The following SIPA1L2 variants were observed in gnomAD, a reference collection of about 807,000 sequenced individuals.
SIPA1L2 encodes signal-induced proliferation-associated 1-like protein 2.
Under a neutral mutation model 163.9 loss-of-function variants are expected in SIPA1L2, and 56 were observed. The observed-to-expected ratio is 0.34, with a 90% CI of 0.28 to 0.43. SIPA1L2 has a LOEUF of 0.43. Among genes scored for constraint, SIPA1L2 ranks in the 20% least tolerant of loss-of-function variants. The pLI is 1.00. For missense variants in SIPA1L2, 1,974 were observed against 2,193.5 expected (o/e 0.90, Z 2.00); for synonymous variants, 877 against 865.7 (o/e 1.01, Z -0.23).
chr1:232,537,082 A>G (rs1278260878), intron 2 of SIPA1L2, among the ~76,000 whole-genome samples: 1 of 152,108 alleles, frequency 6.6e-6, no homozygotes, highest in Non-Finnish European at 1.5e-5. Context: ...CAAGAAATAG[A>G]AAAATTAGCC....
At chr1:232,412,664 G>A (rs750613628) in intron 19 of SIPA1L2, among the ~76,000 whole-genome samples, 6 of 152,118 alleles carry the variant, frequency 3.9e-5, no homozygotes, top group Non-Finnish European at 5.9e-5. Flanking sequence ...ACAACCTGAG[G>A]CAACACTGAT....
At chr1:232,429,805 T>C (rs936148786) in intron 16 of SIPA1L2, among the ~76,000 whole-genome samples, 1 of 152,104 alleles carries the variant, frequency 6.6e-6, no homozygotes, top group Non-Finnish European at 1.5e-5. Flanking sequence ...CGCCCAACAT[T>C]CGATCCTGAG....
At position 232,612,092 on chromosome 1, in the gene SIPA1L2, G is replaced by A. The variant is rs1408764133; in HGVS notation, c.-319+17777C>T. Among the ~76,000 whole-genome samples the A allele has an allele frequency of 2.6e-5, 4 of 152,238 alleles. No homozygotes were observed. In the East Asian group the frequency reaches 7.7e-4, roughly 29 times the overall value. ...CGGAGGGGACAAGCCTCAAGCCTTGGCAGCTTCCACATGGTGTCGAGCTCA... is the reference window on the plus strand; with the variant it reads ...CGGAGGGGACAAGCCTCAAGCCTTGACAGCTTCCACATGGTGTCGAGCTCA... On this transcript the variant is annotated intron_variant, in intron 1 of 22. Coordinates refer to ENST00000674635, the MANE Select transcript of SIPA1L2 (RefSeq NM_020808.5).
intron 3 of SIPA1L2, among the ~76,000 whole-genome samples, chr1:232,510,231 AAT>A (rs10678164): frequency 8.0e-5 from 12 of 149,100 alleles, no homozygotes; most frequent in East Asian, 3.9e-4. Flanking sequence ...TCAATATGAA[AAT>A]ATATATATAT....
At chr1:232,452,636 T>C (rs2102893858) in intron 10 of SIPA1L2, among the ~76,000 whole-genome samples, 1 of 152,314 alleles carries the variant, frequency 6.6e-6, no homozygotes, top group Middle Eastern at 3.4e-3. Flanking sequence ...TGGTTCTAAA[T>C]CATGTCTTCA....
At chr1:232,621,754 CAG>C (rs1662823494) in intron 1 of SIPA1L2, among the ~76,000 whole-genome samples, 1 of 150,266 alleles carries the variant, frequency 6.7e-6, no homozygotes, top group Non-Finnish European at 1.5e-5. Context: ...TTTTTTGTGA[CAG>C]GGTCTCACTC....
chr1:232,530,178 G>A lies in SIPA1L2; in HGVS notation c.-269-14570C>T, dbSNP rs11807246. 6.9e-3 allele frequency among the ~76,000 whole-genome samples: 1,040 copies of A among 150,764 alleles called. 11 individuals carry two copies. The highest frequency in any genetic ancestry group is 0.025 in the African/African-American group (1,001 of 40,790). ...TCGCCAGGCTGGAATGCAGTGGCAC[G>A]GTCTTGGCTCACTGCAACCTCCACC... On this transcript the variant is annotated intron_variant, in intron 2 of 22. Coordinates refer to ENST00000674635, the MANE Select transcript of SIPA1L2 (RefSeq NM_020808.5).
At position 232,555,018 on chromosome 1, in the gene SIPA1L2, C is replaced by CAAG. The variant is rs1262938126; in HGVS notation, c.-270+19155_-270+19156insCTT. ...ATAAACAAGAAATTGAGTTTACAAA[C>CAAG]TTATGGACATTAATTATTCAATTTT... On this transcript the variant is annotated intron_variant, in intron 2 of 22. Transcript: ENST00000674635. Among the ~76,000 whole-genome samples the CAAG allele has an allele frequency of 5.9e-5, 9 of 152,264 alleles. No homozygotes were observed. The East Asian group carries it at 1.7e-3, about 29-fold the overall frequency.
intron 19 of SIPA1L2, among the ~76,000 whole-genome samples, chr1:232,405,073 G>C (rs1023515552): frequency 2.6e-5 from 4 of 152,168 alleles, no homozygotes; most frequent in Non-Finnish European, 5.9e-5. Context: ...CTGCTTGTTT[G>C]CTTTATGGCA....
chr1:232,453,746 CTTTT>C (rs10711839), intron 10 of SIPA1L2, among the ~76,000 whole-genome samples: 1 of 130,208 alleles, frequency 7.7e-6, no homozygotes, highest in East Asian at 2.3e-4. Flanking sequence ...AAACACAAGG[CTTTT>C]TTTTTTTTTT....
intron 2 of SIPA1L2, among the ~76,000 whole-genome samples, chr1:232,528,580 A>T (rs1558247042): frequency 6.6e-6 from 1 of 152,148 alleles, no homozygotes; most frequent in South Asian, 2.1e-4. Flanking sequence ...TCTCCTCTTC[A>T]TCCTTCTTAG....
At chr1:232,506,920 T>C (rs997091981) in intron 3 of SIPA1L2, among the ~76,000 whole-genome samples, 6 of 152,240 alleles carry the variant, frequency 3.9e-5, no homozygotes, top group African/African-American at 7.2e-5. Context: ...CAGAATTCTT[T>C]TAGATTTCTA....
At chr1:232,534,061 C>T (rs1657153965) in intron 2 of SIPA1L2, among the ~76,000 whole-genome samples, 1 of 151,772 alleles carries the variant, frequency 6.6e-6, no homozygotes, top group South Asian at 2.1e-4. Flanking sequence ...TATGAAACCT[C>T]AAGGGACCCC....
intron 18 of SIPA1L2, among the ~76,000 whole-genome samples, chr1:232,423,828 GAAA>G (rs1661718708): frequency 1.3e-5 from 2 of 152,174 alleles, no homozygotes; most frequent in Non-Finnish European, 2.9e-5. Flanking sequence ...ATCAAACCAT[GAAA>G]AGACATGGAG....
At chr1:232,549,170 A>C (rs1473702807) in intron 2 of SIPA1L2, among the ~76,000 whole-genome samples, 1 of 152,180 alleles carries the variant, frequency 6.6e-6, no homozygotes, top group African/African-American at 2.4e-5. Context: ...CCCCAACCAG[A>C]GGTGACAGGA....
intron 12 of SIPA1L2, 54 bp downstream of exon 12, chr1:232,443,548 G>T: frequency 7.1e-7 from 1 of 1,405,706 alleles, no homozygotes; most frequent in Non-Finnish European, 9.7e-7. Context: ...TTTTCAATGA[G>T]TCACAGAAAA....
chr1:232,565,651 C>T (rs35865474), intron 2 of SIPA1L2, among the ~76,000 whole-genome samples: 9,608 of 152,278 alleles, frequency 0.063, 370 homozygotes, highest in Non-Finnish European at 0.088. Flanking sequence ...GAATGTGTTA[C>T]CATTTGTTAG....
intron 1 of SIPA1L2, among the ~76,000 whole-genome samples, chr1:232,583,804 T>C (rs994371779): frequency 4.4e-4 from 67 of 152,322 alleles, no homozygotes; most frequent in African/African-American, 1.6e-3. Context: ...CTAATAGTAC[T>C]ATCTCTGTTT....
intron 1 of SIPA1L2, among the ~76,000 whole-genome samples, chr1:232,626,445 T>C (rs1221016875): frequency 6.6e-6 from 1 of 152,112 alleles, no homozygotes; most frequent in Non-Finnish European, 1.5e-5. Flanking sequence ...ATATGAAATC[T>C]CTCAAGAAGC....
Sources: allele counts gnomAD v4.1 joint callset (sites outside exome capture counted in the v4.1 genomes callset), GRCh38; gene constraint gnomAD v4.1.1; transcripts MANE v1.5; gene names NCBI Gene and HGNC (gene_info 2026-07-23, HGNC 2026-07-21).